The following UGP2 variants were observed in gnomAD, a reference collection of about 807,000 sequenced individuals.
UGP2 encodes UTP--glucose-1-phosphate uridylyltransferase.
Under a neutral mutation model 49.0 loss-of-function variants are expected in UGP2, and 40 were observed. The observed-to-expected ratio is 0.82, with a 90% CI of 0.63 to 1.06. The LOEUF (loss-of-function observed/expected upper bound fraction) is 1.06, where lower values mean the gene tolerates loss of function less well. UGP2 is among the 50% of genes least tolerant of loss of function. The probability of loss-of-function intolerance (pLI) is 0.00; values close to 1 mark genes in which losing one functional copy is unlikely to be tolerated. For synonymous variants in UGP2, 225 were observed against 213.0 expected, an observed-to-expected ratio of 1.06 and a Z score of -0.49; for missense variants, 460 against 603.5, an observed-to-expected ratio of 0.76 and a Z score of 2.49.
At chr2:63,890,965 C>T (rs1364018561) in intron 9 of UGP2, among the ~76,000 whole-genome samples, 155 bp from the exon 10 acceptor site, 1 of 151,882 alleles carries the variant, frequency 6.6e-6, no homozygotes, top group Admixed American at 6.6e-5. Context: ...TTACAATTTT[C>T]CTTAACTGTT....
chr2:63,857,711 C>A, intron 2 of UGP2, 118 bp from the exon 3 acceptor site: 1 of 1,084,036 alleles, frequency 9.2e-7, no homozygotes, highest in Non-Finnish European at 1.4e-6. Flanking sequence ...CCTCCATGTC[C>A]TAATGGTGTA....
chr2:63,841,304 C>G (rs1017903852), upstream of UGP2: 8 of 151,738 alleles, frequency 5.3e-5, no homozygotes, highest in Admixed American at 1.3e-4. Context: ...GTGTGTTTCC[C>G]GCTCTCGCTG....
intron 2 of UGP2, chr2:63,857,628 G>A (rs911281054): frequency 1.6e-6 from 1 of 612,750 alleles, no homozygotes; most frequent in Admixed American, 2.1e-5. Flanking sequence ...GCCTCCCAAA[G>A]TGCTGGGATT....
intron 3 of UGP2, among the ~76,000 whole-genome samples, chr2:63,880,739 A>C (rs960317448): frequency 1.3e-5 from 2 of 152,014 alleles, no homozygotes; most frequent in Non-Finnish European, 2.9e-5. Flanking sequence ...AGTTGTTATC[A>C]CCCCTGCGTT....
intron 8 of UGP2, chr2:63,887,885 T>G: frequency 2.0e-6 from 1 of 496,406 alleles, no homozygotes; most frequent in South Asian, 2.5e-5. Flanking sequence ...TTTTATCTTC[T>G]GTCTCTTCCA....
chr2:63,885,159 T>A (rs35220806), intron 5 of UGP2, among the ~76,000 whole-genome samples: 6 of 152,052 alleles, frequency 3.9e-5, no homozygotes, highest in African/African-American at 1.4e-4. Flanking sequence ...GCTAACCTGG[T>A]GCTTATTTTC....
chr2:63,852,185 A>G (rs551561039), intron 1 of UGP2, among the ~76,000 whole-genome samples: 3 of 152,318 alleles, frequency 2.0e-5, no homozygotes, highest in African/African-American at 7.2e-5. Flanking sequence ...GAGTAGCAAG[A>G]AGGATGAAGA....
At chr2:63,873,023 A>G (rs1291457974) in intron 3 of UGP2, among the ~76,000 whole-genome samples, 1 of 151,936 alleles carries the variant, frequency 6.6e-6, no homozygotes, top group East Asian at 1.9e-4. Flanking sequence ...GGATGGTGCA[A>G]TCCTGTATGA....
chr2:63,850,353 G>T (rs1222556843), intron 1 of UGP2, among the ~76,000 whole-genome samples: 1 of 152,092 alleles, frequency 6.6e-6, no homozygotes, highest in Non-Finnish European at 1.5e-5. Context: ...TGAATGTAAA[G>T]CTGAGTCATC....
At chr2:63,861,643 T>C (rs184435486) in intron 3 of UGP2, among the ~76,000 whole-genome samples, 1 of 139,128 alleles carries the variant, frequency 7.2e-6, no homozygotes, top group Admixed American at 7.4e-5. Context: ...AGCTATGATA[T>C]CACCACTGCA....
At chr2:63,852,533 G>A (rs938759577) in intron 1 of UGP2, among the ~76,000 whole-genome samples, 1 of 152,218 alleles carries the variant, frequency 6.6e-6, no homozygotes, top group Non-Finnish European at 1.5e-5. Flanking sequence ...TAAGGAATTT[G>A]TATTTATTTC....
chr2:63,841,680 C>A (rs1014877590), upstream of UGP2: 1 of 153,248 alleles, frequency 6.5e-6, no homozygotes, highest in African/African-American at 2.4e-5. Context: ...CTCCCCGACC[C>A]CTGCTTGGGC....
At chr2:63,853,584 C>CT (rs1217948550) in intron 1 of UGP2, among the ~76,000 whole-genome samples, 2 of 152,084 alleles carry the variant, frequency 1.3e-5, no homozygotes, top group African/African-American at 2.4e-5. Flanking sequence ...CTCTGTTGCT[C>CT]TTGGTGCCTT....
rs150650964 is a variant in UGP2, at chr2:63,874,636, G to A, written c.256-7830G>A. On this transcript the variant is annotated intron_variant, in intron 3 of 9. Coordinates refer to ENST00000337130, the MANE Select transcript of UGP2 (RefSeq NM_006759.4). ...GAGAGTGCAGATAAGAAGTACTGAT[G>A]TTATTGATAGGATTTAGCAACTTAG... Among the ~76,000 whole-genome samples the A allele has an allele frequency of 2.2e-3, 340 of 152,288 alleles. 1 individual carries two copies. The highest frequency in any genetic ancestry group is 4.1e-3 in the Non-Finnish European group (282 of 68,020).
chr2:63,854,897 CTT>C (rs930294431), intron 1 of UGP2: 1 of 152,246 alleles, frequency 6.6e-6, no homozygotes, highest in African/African-American at 2.4e-5. Flanking sequence ...GCCTCTGAAA[CTT>C]AGACCTGTGT....
Position 63,843,316 on chromosome 2 carries a change from T to C in UGP2, c.19+1112T>C, listed in dbSNP as rs72891019. Among the ~76,000 whole-genome samples, 492 of 152,360 alleles carry C rather than the reference T, an allele frequency of 3.2e-3. 3 individuals carry two copies. Among genetic ancestry groups the C allele is most frequent in the African/African-American group, 0.011 (472 of 41,588 alleles). On this transcript the variant is annotated intron_variant, in intron 1 of 9. Transcript: ENST00000337130. ...CTAAGCTCAGAAATGTCACTTGTTA[T>C]TAGACTTTCAAATTCATGTTATACC...
intron 4 of UGP2, 95 bp downstream of exon 4, chr2:63,882,746 A>T: frequency 1.5e-6 from 2 of 1,295,644 alleles, no homozygotes; most frequent in South Asian, 4.3e-5. Flanking sequence ...TGTGAATTTG[A>T]GCTAACCAAA....
Position 63,874,873 on chromosome 2 carries a change from G to T in UGP2, c.256-7593G>T, listed in dbSNP as rs537787526. Among the ~76,000 whole-genome samples, 3 of 152,006 alleles carry T rather than the reference G, an allele frequency of 2.0e-5. No individual in the cohort carries two copies. The South Asian group carries it at 6.2e-4, about 32-fold the overall frequency. On this transcript the variant is annotated intron_variant, in intron 3 of 9. Transcript: ENST00000337130. ...TCCCCTCTGCCTTCCACTATGAGTGGAAGATTCCGGAGGTGCTCACCAGAA... is the reference window on the plus strand; with the variant it reads ...TCCCCTCTGCCTTCCACTATGAGTGTAAGATTCCGGAGGTGCTCACCAGAA...
intron 3 of UGP2, among the ~76,000 whole-genome samples, chr2:63,880,605 A>C (rs1234136426): frequency 1.3e-5 from 2 of 152,184 alleles, no homozygotes; most frequent in Non-Finnish European, 2.9e-5. Flanking sequence ...TTTCTCTCCT[A>C]AGCAATATTA....
Sources: gnomAD v4.1 joint callset for allele counts (sites outside exome capture counted in the v4.1 genomes callset) on GRCh38, gnomAD v4.1.1 for gene constraint, MANE v1.5 for transcripts, NCBI Gene and HGNC (gene_info 2026-07-23, HGNC 2026-07-21) for gene names.